TCERG1L: variants seen among roughly 807,000 people sequenced by gnomAD.
TCERG1L encodes the protein transcription elongation regulator 1 like, also known as transcription elongation regulator 1-like protein.
Under a neutral mutation model 56.3 loss-of-function variants are expected in TCERG1L, and 37 were observed. The ratio of observed to expected loss-of-function variants is 0.66; its 90% CI spans 0.51 to 0.87. The LOEUF is 0.87. TCERG1L is among the 40% of genes least tolerant of loss of function. TCERG1L has a pLI of 0.00. For synonymous variants in TCERG1L, 324 were observed against 326.3 expected (o/e 0.99, Z 0.08); for missense variants, 799 against 774.2 (o/e 1.03, Z -0.38).
intron 4 of TCERG1L, among the ~76,000 whole-genome samples, chr10:131,244,512 C>A (rs1389019821): frequency 1.3e-5 from 2 of 152,104 alleles, no homozygotes; most frequent in Non-Finnish European, 2.9e-5. Flanking sequence ...GAAGAAACTG[C>A]AAGAAGTGTG....
chr10:131,171,554 T>C (rs1846092977), intron 4 of TCERG1L, among the ~76,000 whole-genome samples: 1 of 152,218 alleles, frequency 6.6e-6, no homozygotes, highest in Admixed American at 6.5e-5. Context: ...AAATGCTTCT[T>C]ACATTGAATG....
At chr10:131,184,977 G>A (rs1458468545) in intron 4 of TCERG1L, among the ~76,000 whole-genome samples, 1 of 152,170 alleles carries the variant, frequency 6.6e-6, no homozygotes, top group East Asian at 1.9e-4. Context: ...TGGGATTACT[G>A]TAGAGATTAC....
chr10:131,262,194 C>G (rs1168281834), intron 3 of TCERG1L, among the ~76,000 whole-genome samples: 1 of 152,208 alleles, frequency 6.6e-6, no homozygotes, highest in Non-Finnish European at 1.5e-5. Flanking sequence ...GAGGCCAGCT[C>G]TGAGTCTCAG....
In TCERG1L at chr10:131,226,330, G is replaced by A. The variant is rs367848979; in HGVS notation, c.856+33929C>T. On this transcript the variant is annotated intron_variant, in intron 4 of 11. Transcript: ENST00000368642. ...GGGCTCAAGTAATCTGCCCGCCTCCGCCTCCTGAAGTGCTGGGAGTCCAGG... is the reference window on the plus strand; with the variant it reads ...GGGCTCAAGTAATCTGCCCGCCTCCACCTCCTGAAGTGCTGGGAGTCCAGG... 1.4e-4 allele frequency among the ~76,000 whole-genome samples: 21 copies of A among 152,234 alleles called. No homozygotes were observed. In the East Asian group the frequency reaches 2.7e-3, roughly 20 times the overall value.
chr10:131,277,286 C>G (rs371127100), intron 3 of TCERG1L, among the ~76,000 whole-genome samples: 4 of 152,308 alleles, frequency 2.6e-5, no homozygotes, highest in Admixed American at 1.3e-4. Flanking sequence ...CTGGAACTTA[C>G]AAAGGAGATG....
intron 4 of TCERG1L, among the ~76,000 whole-genome samples, chr10:131,236,927 T>TTC (rs1171046354): frequency 6.6e-6 from 1 of 152,034 alleles, no homozygotes; most frequent in African/African-American, 2.4e-5. Context: ...CAATGTCTTA[T>TTC]TCTCGGTAGC....
intron 8 of TCERG1L, among the ~76,000 whole-genome samples, chr10:131,128,940 T>C (rs1001066885): frequency 1.7e-4 from 26 of 152,074 alleles, no homozygotes; most frequent in African/African-American, 6.3e-4. Flanking sequence ...TTACCAAAAA[T>C]ACAGGGGACA....
chr10:131,217,629 C>T (rs1459260961), intron 4 of TCERG1L, among the ~76,000 whole-genome samples: 2 of 150,812 alleles, frequency 1.3e-5, no homozygotes, highest in Non-Finnish European at 2.9e-5. Flanking sequence ...GGTGGCCAGG[C>T]AAGGCCCAGG....
Position 131,110,184 on chromosome 10 carries a change from G to A in TCERG1L, c.1396-5830C>T, listed in dbSNP as rs118102487. 6.5e-3 allele frequency among the ~76,000 whole-genome samples: 986 copies of A among 152,300 alleles called. 6 individuals are homozygous for A. The highest frequency in any genetic ancestry group is 0.011 in the Non-Finnish European group (762 of 68,032). On this transcript the variant is annotated intron_variant, in intron 9 of 11. Transcript: ENST00000368642. ...CCTCTCAGTGACAAGGACGTGGTCTGGAGAACCCAAAAGTGTTTTCCAGAT... is the reference window on the plus strand; with the variant it reads ...CCTCTCAGTGACAAGGACGTGGTCTAGAGAACCCAAAAGTGTTTTCCAGAT...
intron 4 of TCERG1L, among the ~76,000 whole-genome samples, chr10:131,211,765 C>G (rs999321006): frequency 6.6e-6 from 1 of 152,156 alleles, no homozygotes; most frequent in Admixed American, 6.5e-5. Context: ...CCAAGAAGCA[C>G]CAGAGCACCA....
At chr10:131,216,298 G>C (rs1445807464) in intron 4 of TCERG1L, among the ~76,000 whole-genome samples, 1 of 152,134 alleles carries the variant, frequency 6.6e-6, no homozygotes, top group Non-Finnish European at 1.5e-5. Context: ...CTGGGGCAAA[G>C]AGGAGCTCCC....
intron 4 of TCERG1L, among the ~76,000 whole-genome samples, chr10:131,257,292 C>T (rs1846183428): frequency 6.6e-6 from 1 of 152,174 alleles, no homozygotes; most frequent in African/African-American, 2.4e-5. Flanking sequence ...AAGGACACCC[C>T]ATCCCCTGGG....
intron 3 of TCERG1L, among the ~76,000 whole-genome samples, chr10:131,277,574 C>T (rs754060967): frequency 6.6e-6 from 1 of 152,244 alleles, no homozygotes; most frequent in Non-Finnish European, 1.5e-5. Flanking sequence ...GACGCAGGCA[C>T]TGTCCAGCAG....
At chr10:131,150,398 T>C (rs967347188) in intron 6 of TCERG1L, among the ~76,000 whole-genome samples, 3 of 152,228 alleles carry the variant, frequency 2.0e-5, no homozygotes, top group African/African-American at 7.2e-5. Flanking sequence ...GCATTCATAC[T>C]GCATTCCACA....
chr10:131,304,962 C>A (rs1382045479), intron 3 of TCERG1L, among the ~76,000 whole-genome samples: 2 of 152,108 alleles, frequency 1.3e-5, no homozygotes, highest in African/African-American at 2.4e-5. Flanking sequence ...CAGCAGCCCA[C>A]ACTTGGCTAC....
intron 3 of TCERG1L, among the ~76,000 whole-genome samples, chr10:131,295,786 T>C (rs1019140581): frequency 6.6e-6 from 1 of 152,324 alleles, no homozygotes. Context: ...ATTACATTGT[T>C]GTCATCTGTA....
intron 6 of TCERG1L, among the ~76,000 whole-genome samples, chr10:131,148,792 C>T (rs890841446): frequency 2.0e-5 from 3 of 151,992 alleles, no homozygotes; most frequent in Non-Finnish European, 4.4e-5. Flanking sequence ...CCTTGACTTT[C>T]GCCCAGTGAG....
chr10:131,296,824 C>G (rs561120815), intron 3 of TCERG1L, among the ~76,000 whole-genome samples: 303 of 152,284 alleles, frequency 2.0e-3, no homozygotes, highest in African/African-American at 6.8e-3. Context: ...AGGTTAATCC[C>G]TAAGTACTTC....
At chr10:131,210,034 C>T (rs539931441) in intron 4 of TCERG1L, among the ~76,000 whole-genome samples, 4 of 152,164 alleles carry the variant, frequency 2.6e-5, no homozygotes, top group East Asian at 3.9e-4. Context: ...CTCTAGCTTA[C>T]AAAAATGAAT....
Sources: allele counts gnomAD v4.1 joint callset (sites outside exome capture counted in the v4.1 genomes callset), GRCh38; gene constraint gnomAD v4.1.1; transcripts MANE v1.5; gene names NCBI Gene and HGNC (gene_info 2026-07-23, HGNC 2026-07-21).